Variants in NRXN1 observed in about 807,000 individuals in gnomAD.
The protein encoded by NRXN1 is neurexin 1.
In NRXN1, 39 loss-of-function variants were observed where a neutral mutation model predicts 150.9. That is an observed-to-expected ratio of 0.26 (90% CI 0.20 to 0.34). NRXN1 has a LOEUF of 0.34. Ranked by LOEUF, NRXN1 falls within the 10% of genes least tolerant of loss-of-function variation. The probability of loss-of-function intolerance (pLI) is 1.00; values close to 1 mark genes in which losing one functional copy is unlikely to be tolerated. For missense variants in NRXN1, 1,815 were observed against 1,949.9 expected, an observed-to-expected ratio of 0.93 and a Z score of 1.30; for synonymous variants, 924 against 757.0, an observed-to-expected ratio of 1.22 and a Z score of -3.62.
At chr2:50,865,170 T>C (rs1676705999) in intron 5 of NRXN1, among the ~76,000 whole-genome samples, 1 of 151,772 alleles carries the variant, frequency 6.6e-6, no homozygotes, top group Non-Finnish European at 1.5e-5. Flanking sequence ...TACAGACAGG[T>C]GAAACGACAG....
intron 2 of NRXN1, among the ~76,000 whole-genome samples, chr2:50,990,600 C>T (rs1698401600): frequency 6.6e-6 from 1 of 151,994 alleles, no homozygotes; most frequent in South Asian, 2.1e-4. Flanking sequence ...CAGGTGTAGA[C>T]ATAGACTTTA....
intron 17 of NRXN1, among the ~76,000 whole-genome samples, chr2:50,449,142 T>C (rs948746005): frequency 1.3e-5 from 2 of 152,224 alleles, no homozygotes; most frequent in African/African-American, 4.8e-5. Flanking sequence ...GAGCATATTA[T>C]TTCTAATGCA....
intron 21 of NRXN1, among the ~76,000 whole-genome samples, chr2:50,027,277 T>C (rs185430604): frequency 6.6e-6 from 1 of 151,910 alleles, no homozygotes; most frequent in Non-Finnish European, 1.5e-5. Flanking sequence ...CCTTCCTTCC[T>C]TCCTCCCTCG....
intron 16 of NRXN1, among the ~76,000 whole-genome samples, chr2:50,469,994 G>A (rs150997969): frequency 2.0e-5 from 3 of 151,076 alleles, no homozygotes; most frequent in Non-Finnish European, 3.0e-5. Flanking sequence ...ACTTGCTTCC[G>A]CCCACTCACT....
chr2:50,403,223 G>A (rs987852362), intron 17 of NRXN1, among the ~76,000 whole-genome samples: 3 of 152,008 alleles, frequency 2.0e-5, no homozygotes, highest in Non-Finnish European at 4.4e-5. Context: ...GTCTCTACTG[G>A]TTGGTAAACA....
chr2:50,769,969 C>T (rs771205235), intron 5 of NRXN1, among the ~76,000 whole-genome samples: 2 of 151,998 alleles, frequency 1.3e-5, no homozygotes, highest in South Asian at 2.1e-4. Context: ...CCAAGGCAGC[C>T]GGAAAATCAC....
intron 19 of NRXN1, among the ~76,000 whole-genome samples, chr2:50,083,197 G>C (rs941933865): frequency 5.9e-5 from 9 of 152,092 alleles, no homozygotes; most frequent in African/African-American, 2.2e-4. Context: ...AGCAATAATG[G>C]AACAAAAATG....
At chr2:49,948,978 C>T (rs963074854) in intron 21 of NRXN1, among the ~76,000 whole-genome samples, 5 of 151,998 alleles carry the variant, frequency 3.3e-5, no homozygotes, top group African/African-American at 9.7e-5. Context: ...ACATGCACAT[C>T]GTAAGCATCT....
chr2:50,548,064 T>A (rs557089060), intron 9 of NRXN1: 3 of 152,178 alleles, frequency 2.0e-5, no homozygotes, highest in Non-Finnish European at 4.4e-5. Flanking sequence ...TATACCCCTT[T>A]CAGTGAACTA....
At chr2:50,800,196 T>C (rs190974528) in intron 5 of NRXN1, among the ~76,000 whole-genome samples, 187 of 152,320 alleles carry the variant, frequency 1.2e-3, no homozygotes, top group African/African-American at 4.3e-3. Context: ...ATTTTGACTT[T>C]ATAATTTTTC....
At chr2:50,757,583 A>G (rs1420094294) in intron 5 of NRXN1, among the ~76,000 whole-genome samples, 1 of 151,818 alleles carries the variant, frequency 6.6e-6, no homozygotes, top group Non-Finnish European at 1.5e-5. Flanking sequence ...ATCATCACAC[A>G]TGCAGTATCT....
intron 18 of NRXN1, among the ~76,000 whole-genome samples, chr2:50,133,063 G>T (rs1160888394): frequency 1.3e-5 from 2 of 152,126 alleles, no homozygotes; most frequent in Non-Finnish European, 2.9e-5. Context: ...TGAGGACATA[G>T]GCAATCAGGA....
Position 50,347,890 on chromosome 2 carries a change from C to T in NRXN1, c.3365-110920G>A, listed in dbSNP as rs1213126680. On this transcript the variant is annotated intron_variant, in intron 17 of 22. Coordinates refer to ENST00000401669, the MANE Select transcript of NRXN1 (RefSeq NM_001330078.2). The surrounding 1 kb of genome is among the most constrained non-coding windows in gnomAD (Gnocchi z 4.9). ...AACGAGGGAGGCTGGTCTAGCTTCCCACGAAAATCGCCCTGCTTTGCCTCT... is the reference window on the plus strand; with the variant it reads ...AACGAGGGAGGCTGGTCTAGCTTCCTACGAAAATCGCCCTGCTTTGCCTCT... The T allele has an allele frequency of 2.1e-6, 2 of 971,902 alleles. No individual in the cohort carries two copies. The highest frequency in any genetic ancestry group is 1.8e-5 in the African/African-American group (1 of 56,888). 60.2% of individuals were successfully genotyped at this position (971,902 alleles called of 1,614,324 possible).
chr2:50,643,826 A>G (rs889765274), intron 5 of NRXN1, among the ~76,000 whole-genome samples: 2 of 151,774 alleles, frequency 1.3e-5, no homozygotes, highest in African/African-American at 2.4e-5. Context: ...TCATGCTGGT[A>G]ACTTCCCTAA....
intron 2 of NRXN1, among the ~76,000 whole-genome samples, chr2:50,974,935 C>A (rs944754423): frequency 1.3e-5 from 2 of 151,918 alleles, no homozygotes; most frequent in African/African-American, 4.8e-5. Context: ...TCATTTCATT[C>A]CACTCCATAA....
chr2:50,258,721 T>A (rs115266091), intron 17 of NRXN1, among the ~76,000 whole-genome samples: 1,584 of 152,164 alleles, frequency 0.01, 29 homozygotes, highest in African/African-American at 0.036. Flanking sequence ...TCACTATCTA[T>A]GGCAGTTATA....
chr2:50,785,469 T>G (rs970022595), intron 5 of NRXN1, among the ~76,000 whole-genome samples: 6 of 151,946 alleles, frequency 3.9e-5, no homozygotes, highest in Non-Finnish European at 7.4e-5. Context: ...AGAATGGTCT[T>G]GATTCCCTGA....
chr2:50,092,613 C>G (rs1234389046), intron 18 of NRXN1, among the ~76,000 whole-genome samples: 1 of 152,210 alleles, frequency 6.6e-6, no homozygotes, highest in East Asian at 1.9e-4. Flanking sequence ...ATTCTCTTGA[C>G]TCTTTGTGGG....
At chr2:50,300,801 T>C (rs1249497148) in intron 17 of NRXN1, among the ~76,000 whole-genome samples, 4 of 152,192 alleles carry the variant, frequency 2.6e-5, no homozygotes, top group African/African-American at 9.6e-5. Flanking sequence ...GTTCTAGCGA[T>C]TATCCTGCCT....
Sources: gnomAD v4.1 joint callset for allele counts (sites outside exome capture counted in the v4.1 genomes callset) on GRCh38, gnomAD v4.1.1 for gene constraint, Gnocchi (gnomAD v3.1) non-coding constraint, MANE v1.5 for transcripts, NCBI Gene and HGNC (gene_info 2026-07-23, HGNC 2026-07-21) for gene names.